The following AGBL1 variants were observed in gnomAD, a reference collection of about 807,000 sequenced individuals.
The protein encoded by AGBL1 is AGBL carboxypeptidase 1, also known as cytosolic carboxypeptidase 4.
A neutral mutation model predicts 118.9 loss-of-function variants in AGBL1; 130 were observed. The observed-to-expected ratio is 1.09, with a 90% CI of 0.95 to 1.26. The LOEUF (loss-of-function observed/expected upper bound fraction) is 1.26. Ranked by LOEUF, AGBL1 falls within the 50% of genes most tolerant of loss-of-function variation. AGBL1 has a pLI of 0.00. For missense variants in AGBL1, 1,584 were observed against 1,298.1 expected (o/e 1.22, Z -3.38); for synonymous variants, 555 against 478.9 (o/e 1.16, Z -2.08).
chr15:86,163,951 C>T (rs2077302116), intron 5 of AGBL1, among the ~76,000 whole-genome samples: 1 of 152,190 alleles, frequency 6.6e-6, no homozygotes, highest in South Asian at 2.1e-4. Context: ...TCAGTTGGCA[C>T]ACCTCCCAAG....
chr15:86,326,778 A>G (rs576172339), intron 17 of AGBL1, among the ~76,000 whole-genome samples: 2 of 152,324 alleles, frequency 1.3e-5, no homozygotes, highest in South Asian at 4.1e-4. Flanking sequence ...TGAGATAGAA[A>G]AGATCAGAAG....
chr15:86,632,223 A>G (rs1286634612), intron 21 of AGBL1, among the ~76,000 whole-genome samples: 1 of 146,432 alleles, frequency 6.8e-6, no homozygotes, highest in African/African-American at 2.6e-5. Context: ...AGTTATGATC[A>G]TGCCACTGCA....
chr15:86,768,378 G>A (rs143264082), intron 22 of AGBL1, among the ~76,000 whole-genome samples: 15 of 151,982 alleles, frequency 9.9e-5, no homozygotes, highest in Non-Finnish European at 2.2e-4. Context: ...GCTATAGCCC[G>A]CAAGCATGAT....
Position 86,419,610 on chromosome 15 carries a change from C to A in AGBL1, c.2555+22064C>A, listed in dbSNP as rs540950761. 3.1e-3 allele frequency among the ~76,000 whole-genome samples: 476 copies of A among 151,470 alleles called. 1 individual carries two copies. The highest frequency in any genetic ancestry group is 0.011 in the African/African-American group (449 of 41,302). ...AAGTGGTGCAGGAATGCCAGCAAGACAGAACCATTCACTCCCCTGGAAAAG... is the reference window on the plus strand; with the variant it reads ...AAGTGGTGCAGGAATGCCAGCAAGAAAGAACCATTCACTCCCCTGGAAAAG... On this transcript the variant is annotated intron_variant, in intron 18 of 22. Coordinates refer to ENST00000614907, the MANE Select transcript of AGBL1 (RefSeq NM_001386094.1).
chr15:86,185,279 A>G (rs1034539994), intron 5 of AGBL1, among the ~76,000 whole-genome samples: 1 of 152,186 alleles, frequency 6.6e-6, no homozygotes, highest in Non-Finnish European at 1.5e-5. Context: ...AGGATGTGGC[A>G]AAATAAGAAC....
intron 22 of AGBL1, among the ~76,000 whole-genome samples, chr15:86,752,945 A>G (rs1295216856): frequency 6.6e-6 from 1 of 152,086 alleles, no homozygotes; most frequent in Admixed American, 6.6e-5. Context: ...TTTCCTTGGT[A>G]CAGAATAACC....
intron 21 of AGBL1, among the ~76,000 whole-genome samples, chr15:86,600,165 G>A (rs76417725): frequency 0.067 from 10,233 of 152,164 alleles, 999 homozygotes; most frequent in African/African-American, 0.22. Flanking sequence ...AAGGATGTCA[G>A]CTAACTGAAA....
chr15:86,229,365 A>C (rs965942125), intron 6 of AGBL1, among the ~76,000 whole-genome samples: 15 of 152,098 alleles, frequency 9.9e-5, no homozygotes, highest in African/African-American at 3.6e-4. Flanking sequence ...TAGCAAGGAG[A>C]AGTGCCAAGC....
At chr15:86,778,013 C>T (rs2078283151) in intron 22 of AGBL1, among the ~76,000 whole-genome samples, 1 of 152,068 alleles carries the variant, frequency 6.6e-6, no homozygotes, top group African/African-American at 2.4e-5. Flanking sequence ...CCCTAAGGGT[C>T]AGCCGGTCTG....
intron 24 of AGBL1, among the ~76,000 whole-genome samples, chr15:86,988,664 T>C (rs1460187608): frequency 6.6e-6 from 1 of 152,206 alleles, no homozygotes; most frequent in Non-Finnish European, 1.5e-5. Context: ...GTTCTTAATA[T>C]TTTGGCAATG....
chr15:86,448,841 T>C (rs16977265), intron 18 of AGBL1, among the ~76,000 whole-genome samples: 18,228 of 152,116 alleles, frequency 0.12, 1,463 homozygotes, highest in African/African-American at 0.23. Flanking sequence ...CATTAAAATT[T>C]AACTCAAAAG....
Position 86,269,994 on chromosome 15 carries a change from C to T in AGBL1, c.1914C>T (p.Ser638=), listed in dbSNP as rs373491857. ...QHQQWFYFKV[S]GMQAAIPYHF... is the part of the protein sequence containing the mutation. ...AGCAGTGGTTCTATTTCAAAGTGAG[C>T]GGTATGCAGGCGGCCATCCCTTACC... Residue 638 remains serine (S), a synonymous_variant, in exon 14 of 23, where the codon AGC becomes AGT. Transcript: ENST00000614907. The T allele has an allele frequency of 2.7e-5, 44 of 1,613,322 alleles. No individual in the cohort carries two copies. Among genetic ancestry groups the T allele is most frequent in the African/African-American group, 5.3e-5 (4 of 74,922 alleles).
At chr15:86,813,881 G>A (rs2078825115) in intron 22 of AGBL1, among the ~76,000 whole-genome samples, 1 of 152,206 alleles carries the variant, frequency 6.6e-6, no homozygotes. Context: ...TGCTGTAAGA[G>A]CTAGGGAGAA....
chr15:86,950,722 G>T (rs1045526037), intron 23 of AGBL1, among the ~76,000 whole-genome samples: 1 of 151,806 alleles, frequency 6.6e-6, no homozygotes, highest in African/African-American at 2.4e-5. Context: ...TGTTAAATAA[G>T]AAGAAGAAAC....
At chr15:86,301,303 C>T (rs1995074) in intron 17 of AGBL1, among the ~76,000 whole-genome samples, 6,097 of 151,864 alleles carry the variant, frequency 0.04, 371 homozygotes, top group African/African-American at 0.13. Context: ...AGAGATTGGG[C>T]TGAGGGACAT....
intron 22 of AGBL1, among the ~76,000 whole-genome samples, chr15:86,849,926 T>C (rs1257328505): frequency 6.6e-6 from 1 of 152,244 alleles, no homozygotes; most frequent in Non-Finnish European, 1.5e-5. Context: ...GAGCTGGTCT[T>C]TTTGGTCTTT....
At chr15:86,824,193 A>G (rs1596520188) in intron 22 of AGBL1, among the ~76,000 whole-genome samples, 1 of 152,106 alleles carries the variant, frequency 6.6e-6, no homozygotes, top group East Asian at 1.9e-4. Flanking sequence ...AATCTATCCT[A>G]CCCAATACCC....
At chr15:86,681,557 T>G (rs1321078697) in intron 22 of AGBL1, among the ~76,000 whole-genome samples, 1 of 152,188 alleles carries the variant, frequency 6.6e-6, no homozygotes, top group Non-Finnish European at 1.5e-5. Context: ...CACCTCTAGG[T>G]TGTGCTTCTT....
At chr15:86,317,476 C>T (rs1315529462) in intron 17 of AGBL1, among the ~76,000 whole-genome samples, 5 of 152,176 alleles carry the variant, frequency 3.3e-5, no homozygotes, top group African/African-American at 9.7e-5. Context: ...CACTTGCGAG[C>T]AATGTTTGTT....
Sources: allele counts gnomAD v4.1 joint callset (sites outside exome capture counted in the v4.1 genomes callset), GRCh38; gene constraint gnomAD v4.1.1; transcripts MANE v1.5; gene names NCBI Gene and HGNC (gene_info 2026-07-23, HGNC 2026-07-21).